NMNAT3: variants seen among roughly 807,000 people sequenced by gnomAD.
NMNAT3 encodes the protein nicotinamide nucleotide adenylyltransferase 3.
NMNAT3 carries 21 observed loss-of-function variants against 24.8 expected under a neutral mutation model. That is an observed-to-expected ratio of 0.85 (90% CI 0.60 to 1.22). The LOEUF (loss-of-function observed/expected upper bound fraction) is 1.22, where lower values mean the gene tolerates loss of function less well. Among genes scored for constraint, NMNAT3 ranks in the 50% most tolerant of loss-of-function variants. NMNAT3 has a pLI of 0.00. For missense variants in NMNAT3, 387 were observed against 436.6 expected, an observed-to-expected ratio of 0.89 and a Z score of 1.01; for synonymous variants, 136 against 155.2, an observed-to-expected ratio of 0.88 and a Z score of 0.92.
chr3:139,677,003 G>A (rs542989168), intron 1 of NMNAT3, among the ~76,000 whole-genome samples: 10 of 152,250 alleles, frequency 6.6e-5, no homozygotes, highest in Admixed American at 3.9e-4. Context: ...GAACGTTAAG[G>A]TTAAGGAACT....
chr3:139,594,836 C>T (rs1433874667), intron 3 of NMNAT3, among the ~76,000 whole-genome samples: 1 of 152,158 alleles, frequency 6.6e-6, no homozygotes, highest in Non-Finnish European at 1.5e-5. Flanking sequence ...CTATCTATGA[C>T]AAACCCACAG....
chr3:139,606,426 G>A (rs891797115), intron 3 of NMNAT3, among the ~76,000 whole-genome samples: 1 of 152,156 alleles, frequency 6.6e-6, no homozygotes, highest in East Asian at 1.9e-4. Flanking sequence ...ACATCAGAGG[G>A]TACATGATGT....
intron 1 of NMNAT3, among the ~76,000 whole-genome samples, chr3:139,650,889 A>G (rs936942351): frequency 5.3e-5 from 8 of 152,218 alleles, no homozygotes; most frequent in African/African-American, 1.9e-4. Context: ...AAAACTCTTC[A>G]GGGAAGATTC....
intron 3 of NMNAT3, among the ~76,000 whole-genome samples, chr3:139,623,611 T>C (rs1000794723): frequency 1.3e-5 from 2 of 152,088 alleles, no homozygotes; most frequent in Non-Finnish European, 2.9e-5. Context: ...TGAGACAGAG[T>C]CTCACTCTGT....
chr3:139,671,930 C>A (rs539865355), intron 1 of NMNAT3, among the ~76,000 whole-genome samples: 117 of 152,300 alleles, frequency 7.7e-4, no homozygotes, highest in Non-Finnish European at 1.4e-3. Context: ...TTGACACTGA[C>A]ACTCATTCAC....
At chr3:139,599,484 C>T in intron 3 of NMNAT3, 1 of 689,684 alleles carries the variant, frequency 1.4e-6, no homozygotes, top group Non-Finnish European at 2.6e-6. Context: ...AGATCAGGAG[C>T]AACTGTCACA....
At chr3:139,575,759 G>T in intron 5 of NMNAT3, 2 of 1,126,710 alleles carry the variant, frequency 1.8e-6, no homozygotes, top group Non-Finnish European at 2.2e-6. Context: ...CCTTGGGCCT[G>T]TGGATTGACC....
intron 3 of NMNAT3, among the ~76,000 whole-genome samples, chr3:139,591,897 T>C (rs2054206299): frequency 6.6e-6 from 1 of 152,142 alleles, no homozygotes. Context: ...CTGGAAACTC[T>C]AAAAATCAGA....
At chr3:139,563,979 T>C (rs1936808906) in intron 6 of NMNAT3, among the ~76,000 whole-genome samples, 1 of 152,174 alleles carries the variant, frequency 6.6e-6, no homozygotes, top group African/African-American at 2.4e-5. Context: ...GAAATTTACA[T>C]AGACTGTGAG....
intron 3 of NMNAT3, among the ~76,000 whole-genome samples, chr3:139,593,461 C>G (rs2108181191): frequency 6.6e-6 from 1 of 152,288 alleles, no homozygotes; most frequent in African/African-American, 2.4e-5. Context: ...CCAAGCGGAC[C>G]TAATAGACAT....
At chr3:139,562,131 A>G (rs1216528060) in intron 6 of NMNAT3, among the ~76,000 whole-genome samples, 1 of 131,152 alleles carries the variant, frequency 7.6e-6, no homozygotes, top group Non-Finnish European at 1.8e-5. Flanking sequence ...AGAACAATTT[A>G]TGAGGTGAGT....
intron 3 of NMNAT3, among the ~76,000 whole-genome samples, chr3:139,590,096 T>C (rs1345860498): frequency 3.9e-5 from 6 of 152,146 alleles, no homozygotes; most frequent in Admixed American, 1.3e-4. Context: ...AGGAGGGATA[T>C]GGGCAGACAC....
At chr3:139,617,653 C>T (rs541268842) in intron 3 of NMNAT3, among the ~76,000 whole-genome samples, 18 of 152,184 alleles carry the variant, frequency 1.2e-4, no homozygotes, top group East Asian at 5.8e-4. Context: ...TGACAAAGTT[C>T]GATTTAAAAT....
chr3:139,646,224 C>A (rs999438143), intron 1 of NMNAT3, among the ~76,000 whole-genome samples: 1 of 152,184 alleles, frequency 6.6e-6, no homozygotes, highest in African/African-American at 2.4e-5. Flanking sequence ...AGAAGCCAAG[C>A]ACCACTATGT....
At chr3:139,579,491 A>G (rs77051738) in intron 4 of NMNAT3, among the ~76,000 whole-genome samples, 1,631 of 152,310 alleles carry the variant, frequency 0.011, 12 homozygotes, top group Non-Finnish European at 0.017. Context: ...GATTTTGAGG[A>G]TGAAGGACAA....
intron 3 of NMNAT3, among the ~76,000 whole-genome samples, chr3:139,589,933 C>A (rs1358997919): frequency 2.0e-5 from 3 of 152,050 alleles, no homozygotes; most frequent in Non-Finnish European, 4.4e-5. Flanking sequence ...AGAGAGTAAA[C>A]CCAAAAGCAG....
At chr3:139,624,909 G>GT (rs2055983578) in intron 3 of NMNAT3, among the ~76,000 whole-genome samples, 1 of 152,118 alleles carries the variant, frequency 6.6e-6, no homozygotes, top group Admixed American at 6.5e-5. Flanking sequence ...AATTTTCTGT[G>GT]TGCTTATTCT....
At chr3:139,665,784 C>A (rs2057561683) in intron 1 of NMNAT3, among the ~76,000 whole-genome samples, 1 of 147,094 alleles carries the variant, frequency 6.8e-6, no homozygotes. Context: ...TAAGTCATCT[C>A]CAGAATTATT....
At chr3:139,667,318 C>T (rs2057614448) in intron 1 of NMNAT3, among the ~76,000 whole-genome samples, 1 of 151,968 alleles carries the variant, frequency 6.6e-6, no homozygotes, top group Non-Finnish European at 1.5e-5. Context: ...GGTGAGATAA[C>T]CTCTCATTGT....
Sources: gnomAD v4.1 joint callset for allele counts (sites outside exome capture counted in the v4.1 genomes callset) on GRCh38, gnomAD v4.1.1 for gene constraint, MANE v1.5 for transcripts, NCBI Gene and HGNC (gene_info 2026-07-23, HGNC 2026-07-21) for gene names.